PTGS1: variants seen among roughly 807,000 people sequenced by gnomAD.
PTGS1 encodes the protein prostaglandin-endoperoxide synthase 1.
PTGS1 carries 40 observed loss-of-function variants against 63.0 expected under a neutral mutation model. The ratio of observed to expected loss-of-function variants is 0.63; its 90% CI spans 0.49 to 0.83. The LOEUF is 0.83. Among genes scored for constraint, PTGS1 ranks in the 40% least tolerant of loss-of-function variants. The pLI, the probability that PTGS1 is intolerant of heterozygous loss-of-function variation, is 0.00. For missense variants in PTGS1, 709 were observed against 786.5 expected (o/e 0.90, Z 1.18); for synonymous variants, 298 against 301.9 (o/e 0.99, Z 0.13).
rs201491196 is a variant in PTGS1, at chr9:122,394,691, A to T, written c.*2147A>T. ...CTGTGAATCAATCCTGGGCAATCAG[A>T]CACCCTCTCCTTAAAAACTGGCCCG... is the stretch of plus-strand genomic sequence containing the variant. On this transcript the variant is annotated 3_prime_UTR_variant, in exon 11 of 11. Coordinates refer to ENST00000362012, the MANE Select transcript of PTGS1 (RefSeq NM_000962.4). The T allele has an allele frequency of 1.3e-5, 2 of 151,994 alleles. No homozygotes were observed. The highest frequency in any genetic ancestry group is 2.9e-5 in the Non-Finnish European group (2 of 68,046). The allele number at this position is 151,994 out of a possible 1,614,324, so 9.4% of individuals were successfully genotyped here.
intron 2 of PTGS1, chr9:122,372,671 T>C (rs1588115211): frequency 6.6e-6 from 1 of 152,266 alleles, no homozygotes; most frequent in African/African-American, 2.4e-5. Flanking sequence ...TGAGGCCCCA[T>C]CTGGCCTCAT....
upstream of PTGS1, chr9:122,370,973 G>A: frequency 3.3e-6 from 5 of 1,496,114 alleles, no homozygotes; most frequent in South Asian, 2.4e-5. Flanking sequence ...AGGGAGGAGC[G>A]GGGGTGGAGC....
At chr9:122,391,360 T>TATATATATACATATATATATATAC (rs1564147152) in intron 10 of PTGS1, among the ~76,000 whole-genome samples, 2 of 51,648 alleles carry the variant, frequency 3.9e-5, no homozygotes, top group South Asian at 6.0e-4. Context: ...TATATATACA[T>TATATATATACATATATATATATAC]ATATATATAT....
chr9:122,379,806 CT>C (rs946022087), intron 5 of PTGS1, among the ~76,000 whole-genome samples: 1 of 151,536 alleles, frequency 6.6e-6, no homozygotes, highest in African/African-American at 2.4e-5. Context: ...TTTAGGGGTA[CT>C]TGATATTTTT....
Position 122,392,276 on chromosome 9 carries a change from G to GCCAT in PTGS1, c.1536_1539dup (p.Asn514SerfsTer44). 6.2e-7 allele frequency: 1 copy of GCCAT among 1,613,688 alleles called. No homozygotes were observed. On this transcript the variant is annotated frameshift_variant, in exon 11 of 11. Coordinates refer to ENST00000362012, the MANE Select transcript of PTGS1 (RefSeq NM_000962.4). LOFTEE classifies it high-confidence loss of function. ...TACCCTGGACTGCTTCTTGAAAAGT[G>GCCAT]CCATCCAAACTCTATCTTTGGGGAG...
At chr9:122,378,994 A>G in intron 5 of PTGS1, 76 bp downstream of exon 5, 3 of 1,563,282 alleles carry the variant, frequency 1.9e-6, no homozygotes, top group South Asian at 2.4e-5. Flanking sequence ...AATCAGGCGA[A>G]GAACAATTAT....
Position 122,379,965 on chromosome 9 carries a change from T to G in PTGS1, c.496+1047T>G, listed in dbSNP as rs140498499. ...ATTCTATTCCTTTCTGTGAGGGCAA[T>G]TGGGTGACAACTCATTTGACACTGA... On this transcript the variant is annotated intron_variant, in intron 5 of 10. Coordinates refer to ENST00000362012, the MANE Select transcript of PTGS1 (RefSeq NM_000962.4). 7.0e-3 allele frequency among the ~76,000 whole-genome samples: 1,072 copies of G among 152,294 alleles called. 11 individuals carry two copies. The highest frequency in any genetic ancestry group is 0.024 in the African/African-American group (1,009 of 41,572).
chr9:122,388,083 A>C (rs1040132395), intron 9 of PTGS1, among the ~76,000 whole-genome samples: 1 of 152,212 alleles, frequency 6.6e-6, no homozygotes, highest in Non-Finnish European at 1.5e-5. Flanking sequence ...CCTTTGTGTG[A>C]GGCTGGATGG....
intron 2 of PTGS1, among the ~76,000 whole-genome samples, chr9:122,376,344 TTGTGTGTGTGTGTGTGTGTGTG>T (rs57350981): frequency 2.4e-5 from 3 of 126,974 alleles, no homozygotes; most frequent in Non-Finnish European, 3.4e-5. Context: ...TGGTCCTTGC[TTGTGTGTGTGTGTGTGTGTGTG>T]TGTGTGTGTG....
At chr9:122,375,259 A>AG in intron 2 of PTGS1, 1 of 982,506 alleles carries the variant, frequency 1.0e-6, no homozygotes, top group Non-Finnish European at 1.2e-6. Flanking sequence ...GAGGAGCCTC[A>AG]GCTCCCGCAC....
At chr9:122,371,484 G>A in intron 2 of PTGS1, 1 of 1,266,966 alleles carries the variant, frequency 7.9e-7, no homozygotes, top group Non-Finnish European at 1.1e-6. Flanking sequence ...TTCTTTCAGG[G>A]GAAACAGCAG....
intron 8 of PTGS1, among the ~76,000 whole-genome samples, chr9:122,386,058 G>A (rs1715313638): frequency 6.6e-6 from 1 of 151,988 alleles, no homozygotes; most frequent in African/African-American, 2.4e-5. Flanking sequence ...CTTTTGGGAG[G>A]CTGAGGTGAG....
chr9:122,371,267 C>T lies in PTGS1; in HGVS notation c.89C>T (p.Thr30Met), dbSNP rs776323463. Residue 30 changes from threonine (T) to methionine (M), a missense_variant, in exon 2 of 11, where the codon ACG (threonine) becomes ATG (methionine). Transcript: ENST00000362012. ...PVLLADPGAP[T>M]PVNPCCYYPC... ...CTGCTCGCGGACCCAGGGGCGCCCA[C>T]GCCAGGTAGGCGGCCCCATCCCTCC... 6.2e-7 allele frequency: 1 copy of T among 1,604,798 alleles called. No individual in the cohort carries two copies. The highest frequency in any genetic ancestry group is 1.1e-5 in the South Asian group (1 of 91,068).
intron 9 of PTGS1, among the ~76,000 whole-genome samples, chr9:122,389,430 C>A (rs1347231753): frequency 6.6e-6 from 1 of 152,042 alleles, no homozygotes; most frequent in Non-Finnish European, 1.5e-5. Flanking sequence ...GGATTACAGG[C>A]ACAAGCCACT....
chr9:122,387,331 C>T (rs1837932509), intron 9 of PTGS1, among the ~76,000 whole-genome samples: 1 of 152,072 alleles, frequency 6.6e-6, no homozygotes, highest in Admixed American at 6.5e-5. Flanking sequence ...GAAGGACATT[C>T]AGGGCATGGT....
intron 7 of PTGS1, 131 bp from the exon 8 acceptor site, chr9:122,383,378 C>T (rs1443382591): frequency 8.0e-7 from 1 of 1,249,696 alleles, no homozygotes; most frequent in Non-Finnish European, 1.1e-6. Context: ...TTTTAAGAGA[C>T]ATTTTGGAGG....
intron 2 of PTGS1, chr9:122,375,293 T>C (rs1588119083): frequency 6.1e-6 from 6 of 985,272 alleles, no homozygotes; most frequent in Non-Finnish European, 7.2e-6. Context: ...AGGGAGGGTG[T>C]GGGCAGCCGT....
intron 10 of PTGS1, among the ~76,000 whole-genome samples, chr9:122,391,431 A>G (rs900250641): frequency 0.07 from 628 of 9,006 alleles, 7 homozygotes; most frequent in Non-Finnish European, 0.13. Flanking sequence ...ATATATACAT[A>G]TATATATATA....
At chr9:122,391,970 G>A (rs1297842818) in intron 10 of PTGS1, among the ~76,000 whole-genome samples, 2 of 152,048 alleles carry the variant, frequency 1.3e-5, no homozygotes, top group African/African-American at 2.4e-5. Context: ...TCCTTCCCTA[G>A]ACCCAGTCCC....
Sources: gnomAD v4.1 joint callset for allele counts (sites outside exome capture counted in the v4.1 genomes callset) on GRCh38, gnomAD v4.1.1 for gene constraint, MANE v1.5 for transcripts, NCBI Gene and HGNC (gene_info 2026-07-23, HGNC 2026-07-21) for gene names.